PHACTR3: variants seen among roughly 807,000 people sequenced by gnomAD.
The protein encoded by PHACTR3 is phosphatase and actin regulator 3.
In PHACTR3, 16 loss-of-function variants were observed where a neutral mutation model predicts 66.8. The ratio of observed to expected loss-of-function variants is 0.24; its 90% confidence interval spans 0.16 to 0.36. The LOEUF (loss-of-function observed/expected upper bound fraction) is 0.36, where lower values mean the gene tolerates loss of function less well. Ranked by LOEUF, PHACTR3 falls within the 10% of genes least tolerant of loss-of-function variation. PHACTR3 has a pLI of 1.00. For synonymous variants in PHACTR3, 323 were observed against 292.1 expected (o/e 1.11, Z -1.08); for missense variants, 647 against 719.9 (o/e 0.90, Z 1.16).
chr20:59,821,163 G>A (rs540950071), intron 8 of PHACTR3, among the ~76,000 whole-genome samples: 3 of 152,308 alleles, frequency 2.0e-5, no homozygotes, highest in Admixed American at 2.0e-4. Context: ...TGGAGGCCCA[G>A]AGAGATTGGG....
intron 1 of PHACTR3, among the ~76,000 whole-genome samples, chr20:59,698,781 C>T (rs11697198): frequency 1.7e-4 from 26 of 152,220 alleles, no homozygotes; most frequent in Middle Eastern, 3.4e-3. Flanking sequence ...GTTCATGGCC[C>T]ACAGAACTCT....
At chr20:59,734,759 A>G (rs2038888574) in intron 1 of PHACTR3, among the ~76,000 whole-genome samples, 1 of 152,068 alleles carries the variant, frequency 6.6e-6, no homozygotes, top group Admixed American at 6.5e-5. Flanking sequence ...AGCTTCCCCA[A>G]ATGACTCCCC....
At chr20:59,596,637 A>G (rs1427078028) in intron 1 of PHACTR3, among the ~76,000 whole-genome samples, 1 of 152,212 alleles carries the variant, frequency 6.6e-6, no homozygotes, top group East Asian at 1.9e-4. Flanking sequence ...TCTGATAACT[A>G]TCTTTGATTT....
At chr20:59,622,991 A>AAAAAAAAAAAAAAAAAAAAAAAC (rs1555879291) in intron 1 of PHACTR3, among the ~76,000 whole-genome samples, 1 of 142,102 alleles carries the variant, frequency 7.0e-6, no homozygotes, top group Non-Finnish European at 1.5e-5. Flanking sequence ...CAAAAAAAAA[A>AAAAAAAAAAAAAAAAAAAAAAAC]AAAAAAAAAA....
chr20:59,628,978 A>G (rs1245886411), intron 1 of PHACTR3, among the ~76,000 whole-genome samples: 2 of 152,258 alleles, frequency 1.3e-5, no homozygotes, highest in African/African-American at 4.8e-5. Flanking sequence ...ACATTGGTAC[A>G]GTGAGGTTAA....
chr20:59,680,960 A>G (rs190824148), intron 1 of PHACTR3, among the ~76,000 whole-genome samples: 1 of 152,342 alleles, frequency 6.6e-6, no homozygotes, highest in East Asian at 1.9e-4. Flanking sequence ...GTATGCTTAA[A>G]ATATTGATGT....
At chr20:59,691,210 G>T (rs2037095773) in intron 1 of PHACTR3, among the ~76,000 whole-genome samples, 1 of 152,180 alleles carries the variant, frequency 6.6e-6, no homozygotes, top group Non-Finnish European at 1.5e-5. Flanking sequence ...GGGTGTCCTG[G>T]CGGAGACCTT....
At chr20:59,608,593 T>G (rs2033743591) in intron 1 of PHACTR3, among the ~76,000 whole-genome samples, 1 of 152,182 alleles carries the variant, frequency 6.6e-6, no homozygotes, top group African/African-American at 2.4e-5. Context: ...GGCCTCCTTC[T>G]TGTCGGGTCC....
intron 1 of PHACTR3, among the ~76,000 whole-genome samples, chr20:59,637,025 G>T (rs61286277): frequency 0.04 from 6,065 of 152,310 alleles, 129 homozygotes; most frequent in Middle Eastern, 0.071. Context: ...GAGAATTTTA[G>T]AATGATCTAG....
chr20:59,786,107 A>G (rs1211133341), intron 7 of PHACTR3, among the ~76,000 whole-genome samples: 1 of 152,142 alleles, frequency 6.6e-6, no homozygotes, highest in Non-Finnish European at 1.5e-5. Flanking sequence ...TCCCTCCTCA[A>G]CTGAGCCCCT....
chr20:59,616,289 G>A (rs1005032475), intron 1 of PHACTR3, among the ~76,000 whole-genome samples: 1 of 152,106 alleles, frequency 6.6e-6, no homozygotes, highest in African/African-American at 2.4e-5. Context: ...CTATCACTGT[G>A]GAGAAGTTTT....
intron 8 of PHACTR3, among the ~76,000 whole-genome samples, chr20:59,826,984 C>CCCTCCCTTCTCT (rs926502558): frequency 2.0e-5 from 3 of 152,136 alleles, no homozygotes; most frequent in Non-Finnish European, 2.9e-5. Flanking sequence ...CTCCCTGCTC[C>CCCTCCCTTCTCT]CCTCCCTTCT....
chr20:59,786,719 C>T (rs1283559132), intron 7 of PHACTR3, among the ~76,000 whole-genome samples: 1 of 151,054 alleles, frequency 6.6e-6, no homozygotes, highest in Admixed American at 6.6e-5. Context: ...ACTCTCTGTG[C>T]AGTTGACGGG....
intron 1 of PHACTR3, among the ~76,000 whole-genome samples, chr20:59,645,221 CTTTTT>C (rs11470114): frequency 7.5e-5 from 9 of 120,574 alleles, no homozygotes; most frequent in African/African-American, 1.9e-4. Flanking sequence ...GTTAGCAGAT[CTTTTT>C]TTTTTTTTTT....
chr20:59,823,597 A>T (rs1012008026), intron 8 of PHACTR3, among the ~76,000 whole-genome samples: 1 of 152,218 alleles, frequency 6.6e-6, no homozygotes, highest in Non-Finnish European at 1.5e-5. Context: ...TTTTTGCTCT[A>T]AACAAAGGCT....
chr20:59,766,108 G>A (rs565200138), intron 4 of PHACTR3, among the ~76,000 whole-genome samples: 14 of 152,160 alleles, frequency 9.2e-5, no homozygotes, highest in East Asian at 3.9e-4. Context: ...GAGGAGCCCC[G>A]GTCTGATGAC....
At chr20:59,621,321 G>C (rs938113706) in intron 1 of PHACTR3, among the ~76,000 whole-genome samples, 1 of 152,244 alleles carries the variant, frequency 6.6e-6, no homozygotes, top group Non-Finnish European at 1.5e-5. Context: ...GGCAGAGTTG[G>C]GGCTTGCCCA....
intron 1 of PHACTR3, among the ~76,000 whole-genome samples, chr20:59,719,679 A>G (rs1251807894): frequency 7.2e-5 from 11 of 152,186 alleles, no homozygotes; most frequent in African/African-American, 2.4e-4. Flanking sequence ...TTCCTTCTGG[A>G]ATCTGCAAGG....
chr20:59,623,065 T>C (rs1265180280), intron 1 of PHACTR3, among the ~76,000 whole-genome samples: 1 of 133,978 alleles, frequency 7.5e-6, no homozygotes, highest in African/African-American at 2.8e-5. Flanking sequence ...TCAAAAACAC[T>C]CCCCCACCCC....
Sources: gnomAD v4.1 joint callset for allele counts (sites outside exome capture counted in the v4.1 genomes callset) on GRCh38, gnomAD v4.1.1 for gene constraint, MANE v1.5 for transcripts, NCBI Gene and HGNC (gene_info 2026-07-23, HGNC 2026-07-21) for gene names.